IGF2R: variants seen among roughly 807,000 people sequenced by gnomAD.
The protein encoded by IGF2R is insulin like growth factor 2 receptor, also known as cation-independent mannose-6-phosphate receptor.
IGF2R carries 91 observed loss-of-function variants against 270.6 expected under a neutral mutation model. The observed-to-expected ratio is 0.34, with a 90% CI of 0.28 to 0.40. The LOEUF is 0.40. Among genes scored for constraint, IGF2R ranks in the 10% least tolerant of loss-of-function variants. The pLI is 1.00. For synonymous variants in IGF2R, 1,316 were observed against 1,258.9 expected, an observed-to-expected ratio of 1.05 and a Z score of -0.96; for missense variants, 2,805 against 3,188.3, an observed-to-expected ratio of 0.88 and a Z score of 2.90.
intron 4 of IGF2R, among the ~76,000 whole-genome samples, chr6:160,012,559 G>A (rs1784350474): frequency 6.6e-6 from 1 of 151,644 alleles, no homozygotes; most frequent in South Asian, 2.1e-4. Flanking sequence ...GAAATGACCA[G>A]ATCTCACAAG....
chr6:159,975,532 C>T (rs1054538665), intron 1 of IGF2R, among the ~76,000 whole-genome samples: 16 of 151,766 alleles, frequency 1.1e-4, no homozygotes, highest in African/African-American at 3.9e-4. Flanking sequence ...AGAGTCCTAC[C>T]TTGGGGCAGG....
intron 20 of IGF2R, among the ~76,000 whole-genome samples, chr6:160,057,105 A>G (rs1244066577): frequency 6.6e-6 from 1 of 152,122 alleles, no homozygotes; most frequent in Non-Finnish European, 1.5e-5. Context: ...ACAGGTGTTA[A>G]TATGATCCTT....
At chr6:160,074,022 T>G (rs759371242) in intron 35 of IGF2R, 47 bp downstream of exon 35, 1 of 1,386,184 alleles carries the variant, frequency 7.2e-7, no homozygotes, top group Non-Finnish European at 1.0e-6. Flanking sequence ...GCAAGACTTT[T>G]AGTGATAACC....
At position 160,105,101 on chromosome 6, in the gene IGF2R, G is replaced by T. The variant is rs761992025; in HGVS notation, c.*17G>T. ...CACATCTGACTCCGCAGTGCCTGCA[G>T]GGGAGCACGGAGCCGCGGGACAGCC... On this transcript the variant is annotated 3_prime_UTR_variant, in exon 48 of 48. Transcript: ENST00000356956. 1 of 1,522,186 alleles carries T rather than the reference G, an allele frequency of 6.6e-7. No homozygotes were observed. The highest frequency in any genetic ancestry group is 2.3e-5 in the East Asian group (1 of 42,556). The allele number at this position is 1,522,186 out of a possible 1,614,324, so 94.3% of individuals were successfully genotyped here.
intron 1 of IGF2R, among the ~76,000 whole-genome samples, chr6:159,975,662 C>A (rs901493153): frequency 2.1e-5 from 3 of 143,510 alleles, no homozygotes; most frequent in Admixed American, 1.4e-4. Flanking sequence ...GAAAAAAAAA[C>A]CCATACATGT....
In IGF2R at chr6:160,019,643, G is replaced by C. The variant is rs530502170; in HGVS notation, c.514-4929G>C. On this transcript the variant is annotated intron_variant, in intron 4 of 47. Coordinates refer to ENST00000356956, the MANE Select transcript of IGF2R (RefSeq NM_000876.4). ...ACGATCAAGTGGGTTTTATTCCAGGGTTGCAAGGATGGTTCAGTGTATGCA... is the reference window on the plus strand; with the variant it reads ...ACGATCAAGTGGGTTTTATTCCAGGCTTGCAAGGATGGTTCAGTGTATGCA... 3.9e-5 allele frequency among the ~76,000 whole-genome samples: 6 copies of C among 152,180 alleles called. No homozygotes were observed. The East Asian group carries it at 1.2e-3, about 29-fold the overall frequency.
At chr6:160,068,418 G>A in intron 30 of IGF2R, 33 bp downstream of exon 30, 1 of 1,611,180 alleles carries the variant, frequency 6.2e-7, no homozygotes, top group Non-Finnish European at 8.5e-7. Flanking sequence ...GGTGGTGTTT[G>A]CAGTGAGTGT....
rs1031229751 is a variant in IGF2R at position 160,021,622 on chromosome 6, GA to G, written c.514-2940del. Among the ~76,000 whole-genome samples the G allele has an allele frequency of 2.4e-3, 340 of 142,606 alleles. 1 individual carries two copies. The highest frequency in any genetic ancestry group is 6.3e-3 in the African/African-American group (244 of 38,536). The allele number at this position is 142,606 out of a possible 152,430, so 93.6% of individuals were successfully genotyped here. ...AATAAAATTAAAAAAAAAAGTTTAG[GA>G]AAAAAAAAATAAACTGCATATATGG... On this transcript the variant is annotated intron_variant, in intron 4 of 47. Transcript: ENST00000356956.
Position 160,073,914 on chromosome 6 carries a change from A to G in IGF2R, c.5105A>G (p.His1702Arg). ...ATTTGTCAGCCACTAAATCCCATGC[A>G]CGGAGTGCCCTGTCCTGCCGGAGCC... ...INICQPLNPMHGVPCPAGAAV... is the reference protein window; with the variant it reads ...INICQPLNPMRGVPCPAGAAV... The change falls in exon 35 of 48, where the codon CAC becomes CGC. Residue 1702 changes from histidine to arginine, a missense_variant. Physicochemically the swap from His to Arg is conservative, Grantham distance 29. This residue lies in a region of IGF2R where 1,851 missense variants were observed against 2,207.2 expected (regional missense o/e 0.84). Transcript: ENST00000356956. The G allele has an allele frequency of 1.9e-6, 3 of 1,614,214 alleles. No individual in the cohort carries two copies. Among genetic ancestry groups the G allele is most frequent in the Non-Finnish European group, 2.5e-6 (3 of 1,180,026 alleles).
chr6:160,047,875 CCCCTCCACGCT>C lies in IGF2R; in HGVS notation c.2314_2324del (p.Pro772GlyfsTer12). The C allele has an allele frequency of 6.2e-7, 1 of 1,613,526 alleles. No homozygotes were observed. Among genetic ancestry groups the C allele is most frequent in the Non-Finnish European group, 8.5e-7 (1 of 1,179,388 alleles). ...AGCCCCTGGAATGCGTAGTGACCGA[CCCCTCCACGCT>C]GGAGCAGTACGACCTCTCCAGGTGA... On this transcript the variant is annotated frameshift_variant, in exon 17 of 48. Coordinates refer to ENST00000356956, the MANE Select transcript of IGF2R (RefSeq NM_000876.4). LOFTEE classifies it high-confidence loss of function.
chr6:160,019,032 T>C (rs1777370604), intron 4 of IGF2R, among the ~76,000 whole-genome samples: 1 of 152,112 alleles, frequency 6.6e-6, no homozygotes, highest in African/African-American at 2.4e-5. Flanking sequence ...AAGTTGGTTC[T>C]TTGGAAAGAT....
At chr6:160,092,723 TC>T (rs1779253799) in intron 44 of IGF2R, among the ~76,000 whole-genome samples, 1 of 152,198 alleles carries the variant, frequency 6.6e-6, no homozygotes, top group South Asian at 2.1e-4. Flanking sequence ...CTTCAGCTAC[TC>T]CCAAGCGAGA....
intron 22 of IGF2R, among the ~76,000 whole-genome samples, 156 bp downstream of exon 22, chr6:160,059,254 G>A (rs550474531): frequency 2.6e-5 from 4 of 152,276 alleles, no homozygotes; most frequent in Admixed American, 6.5e-5. Flanking sequence ...GTCTTCCTGC[G>A]TTTGACCTCG....
rs774174140 is a variant in IGF2R, at chr6:160,096,435, A to G, written c.6656-4A>G. ...ATGCCATGTGTGCCCTTCCCGTTTG[A>G]CAGACGGCGATCTCGATGTCGTGTT... On this transcript the variant is annotated splice_region_variant and splice_polypyrimidine_tract_variant and intron_variant, in intron 44 of 47. Transcript: ENST00000356956. The G allele has an allele frequency of 1.2e-6, 2 of 1,608,532 alleles. No homozygotes were observed. Among genetic ancestry groups the G allele is most frequent in the South Asian group, 2.2e-5 (2 of 90,218 alleles).
rs137872075 is a variant in IGF2R, at chr6:159,990,672, C to G, written c.150-512C>G. Reference sequence around the variant, plus strand: ...GGAGACAGAGTCTCGCACTGTTGACCGAGCTGGAGTGCAGTGGCACGATCT... The same window carrying G: ...GGAGACAGAGTCTCGCACTGTTGACGGAGCTGGAGTGCAGTGGCACGATCT... On this transcript the variant is annotated intron_variant, in intron 1 of 47. Transcript: ENST00000356956. 7.9e-5 allele frequency among the ~76,000 whole-genome samples: 12 copies of G among 152,092 alleles called. No individual in the cohort carries two copies. The Middle Eastern group carries it at 0.017, about 216-fold the overall frequency.
At chr6:160,073,062 C>A in intron 33 of IGF2R, 151 bp from the exon 34 acceptor site, 2 of 1,331,534 alleles carry the variant, frequency 1.5e-6, no homozygotes, top group Non-Finnish European at 2.1e-6. Context: ...AATGAACATT[C>A]AATGTAAAAC....
chr6:160,081,990 C>T (rs995664653), intron 39 of IGF2R, among the ~76,000 whole-genome samples: 55 of 152,080 alleles, frequency 3.6e-4, no homozygotes, highest in African/African-American at 1.2e-3. Flanking sequence ...CCTCAGCTTA[C>T]GAAGATGATG....
Position 160,086,099 on chromosome 6 carries a change from T to G in IGF2R, c.6205+968T>G, listed in dbSNP as rs185732529. Among the ~76,000 whole-genome samples the G allele has an allele frequency of 2.1e-3, 314 of 152,334 alleles. 1 individual carries two copies. Among genetic ancestry groups the G allele is most frequent in the Non-Finnish European group, 3.4e-3 (233 of 68,024 alleles). ...AATGACTAAAACACTTAAGGCTTCC[T>G]AAAAGTTTGAGGCAGGAGGAGCAAA... On this transcript the variant is annotated intron_variant, in intron 41 of 47. Coordinates refer to ENST00000356956, the MANE Select transcript of IGF2R (RefSeq NM_000876.4).
chr6:160,056,695 G>A (rs1331371179), intron 20 of IGF2R, among the ~76,000 whole-genome samples, 170 bp downstream of exon 20: 2 of 152,206 alleles, frequency 1.3e-5, no homozygotes, highest in African/African-American at 2.4e-5. Context: ...CCACTCCGCA[G>A]CTCCCAGCTC....
Sources: gnomAD v4.1 joint callset for allele counts (sites outside exome capture counted in the v4.1 genomes callset) on GRCh38, gnomAD v4.1.1 for gene constraint, gnomAD v4.1.1 regional missense constraint, MANE v1.5 for transcripts, NCBI Gene and HGNC (gene_info 2026-07-23, HGNC 2026-07-21) for gene names.